Variants in BTRC observed in about 807,000 individuals in gnomAD.
BTRC encodes F-box/WD repeat-containing protein 1A.
A neutral mutation model predicts 85.5 loss-of-function variants in BTRC; 42 were observed. The observed-to-expected ratio is 0.49, with a 90% CI of 0.38 to 0.64. The LOEUF is 0.64. Among genes scored for constraint, BTRC ranks in the 30% least tolerant of loss-of-function variants. BTRC has a pLI of 0.00. For synonymous variants in BTRC, 255 were observed against 263.3 expected, an observed-to-expected ratio of 0.97 and a Z score of 0.30; for missense variants, 594 against 743.5, an observed-to-expected ratio of 0.80 and a Z score of 2.34.
chr10:101,455,171 C>T (rs1165822960), intron 2 of BTRC, among the ~76,000 whole-genome samples: 5 of 151,682 alleles, frequency 3.3e-5, no homozygotes, highest in African/African-American at 9.7e-5. Context: ...CCGCCTTAGC[C>T]TCCTGAGTAG....
intron 5 of BTRC, among the ~76,000 whole-genome samples, chr10:101,522,409 CTTTTT>C (rs1176651688): frequency 3.0e-3 from 90 of 29,536 alleles, no homozygotes; most frequent in African/African-American, 6.7e-3. Context: ...ATAAAGACTC[CTTTTT>C]TTTTTTTTTT....
intron 1 of BTRC, among the ~76,000 whole-genome samples, chr10:101,389,117 G>GTT (rs1169198314): frequency 4.5e-4 from 24 of 53,044 alleles, no homozygotes; most frequent in East Asian, 1.1e-3. Context: ...TTTTTTGTGT[G>GTT]TGTTTTTTTT....
At chr10:101,442,477 T>C (rs1944713900) in intron 2 of BTRC, among the ~76,000 whole-genome samples, 2 of 152,094 alleles carry the variant, frequency 1.3e-5, no homozygotes, top group Admixed American at 1.3e-4. Context: ...CCAGTTTAGT[T>C]CAGAAGGTCC....
intron 4 of BTRC, among the ~76,000 whole-genome samples, chr10:101,515,719 G>T (rs2062014778): frequency 6.6e-6 from 1 of 152,066 alleles, no homozygotes; most frequent in Non-Finnish European, 1.5e-5. Flanking sequence ...CACCTTGTTA[G>T]CCAGGATGGT....
chr10:101,393,789 C>T (rs7910015), intron 1 of BTRC, among the ~76,000 whole-genome samples: 105,917 of 152,054 alleles, frequency 0.7, 37,366 homozygotes, highest in East Asian at 0.81. Flanking sequence ...CTGGCATGTG[C>T]ACACCCTGCT....
intron 1 of BTRC, among the ~76,000 whole-genome samples, chr10:101,400,943 C>A (rs544995673): frequency 6.6e-6 from 1 of 152,286 alleles, no homozygotes; most frequent in South Asian, 2.1e-4. Context: ...GCTGAATCTT[C>A]CCACCGAACA....
chr10:101,414,825 T>C (rs1943884424), intron 1 of BTRC: 1 of 158,692 alleles, frequency 6.3e-6, no homozygotes, highest in South Asian at 2.0e-4. Flanking sequence ...CTTATAAAGA[T>C]GTAAGGAAAA....
rs538445123 is a variant in BTRC at position 101,542,712 on chromosome 10, C to T, written c.1656+4341C>T. ...TGAGCCTCCTGAGTAGCTGGGACCA[C>T]AGGCGTGCGCCACCACGTCCAGCTA... On this transcript the variant is annotated intron_variant, in intron 13 of 14. Coordinates refer to ENST00000370187, the MANE Select transcript of BTRC (RefSeq NM_033637.4). Among the ~76,000 whole-genome samples, 4 of 152,308 alleles carry T rather than the reference C, an allele frequency of 2.6e-5. No homozygotes were observed. The East Asian group carries it at 7.7e-4, about 29-fold the overall frequency.
chr10:101,425,681 ACGC>A (rs1308668511), intron 1 of BTRC, among the ~76,000 whole-genome samples: 3 of 150,288 alleles, frequency 2.0e-5, no homozygotes, highest in African/African-American at 7.4e-5. Context: ...GTGGTGGTGC[ACGC>A]CTGTAGTCCC....
In BTRC at chr10:101,409,503, AT is replaced by A. The variant is rs557209688; in HGVS notation, c.49-20840del. ...AAATGTGCCATTAGGTGAGTTCAAC[AT>A]TGTGTGAACGTCATCTAGTGTACTT... On this transcript the variant is annotated intron_variant, in intron 1 of 14. Coordinates refer to ENST00000370187, the MANE Select transcript of BTRC (RefSeq NM_033637.4). Among the ~76,000 whole-genome samples the A allele has an allele frequency of 3.2e-4, 49 of 152,316 alleles. No homozygotes were observed. The East Asian group carries it at 8.5e-3, about 26-fold the overall frequency.
At chr10:101,453,992 G>A (rs1304961743) in intron 2 of BTRC, among the ~76,000 whole-genome samples, 1 of 152,188 alleles carries the variant, frequency 6.6e-6, no homozygotes, top group African/African-American at 2.4e-5. Flanking sequence ...AACTTTATTT[G>A]CAAAAATATG....
intron 10 of BTRC, 105 bp from the exon 11 acceptor site, chr10:101,535,249 C>T (rs1424055141): frequency 1.1e-6 from 1 of 870,332 alleles, no homozygotes; most frequent in Non-Finnish European, 1.8e-6. Context: ...GAAGACTTCC[C>T]TCTAATGGTT....
rs574574175 is a variant in BTRC, at chr10:101,394,788, A to G, written c.49-35557A>G. On this transcript the variant is annotated intron_variant, in intron 1 of 14. Coordinates refer to ENST00000370187, the MANE Select transcript of BTRC (RefSeq NM_033637.4). ...TGGCTAGACTTGTCAGATTAGGGCA[A>G]GAATAGCAATTTGACCAGTGAGTTC... Among the ~76,000 whole-genome samples the G allele has an allele frequency of 2.0e-5, 3 of 152,306 alleles. No individual in the cohort carries two copies. In the East Asian group the frequency reaches 5.8e-4, roughly 29 times the overall value.
intron 13 of BTRC, among the ~76,000 whole-genome samples, chr10:101,540,275 A>T (rs2062446412): frequency 6.6e-6 from 1 of 152,162 alleles, no homozygotes; most frequent in South Asian, 2.1e-4. Context: ...TTGGTCTATG[A>T]TCCATTTTGA....
At chr10:101,510,323 A>G (rs2134326906) in intron 4 of BTRC, among the ~76,000 whole-genome samples, 1 of 152,112 alleles carries the variant, frequency 6.6e-6, no homozygotes, top group South Asian at 2.1e-4. Context: ...CCTGGCTAAC[A>G]TGGTGAAACC....
At chr10:101,539,489 G>A (rs1402589771) in intron 13 of BTRC, among the ~76,000 whole-genome samples, 3 of 152,194 alleles carry the variant, frequency 2.0e-5, no homozygotes, top group African/African-American at 7.2e-5. Flanking sequence ...CCAGGCTATA[G>A]TGAAGTGGCA....
At chr10:101,380,080 C>T (rs1455628140) in intron 1 of BTRC, among the ~76,000 whole-genome samples, 3 of 152,094 alleles carry the variant, frequency 2.0e-5, no homozygotes, top group South Asian at 2.1e-4. Context: ...CTTTGAAATA[C>T]CTTGTAATTA....
intron 1 of BTRC, among the ~76,000 whole-genome samples, chr10:101,377,838 C>T (rs1942828672): frequency 6.6e-6 from 1 of 151,348 alleles, no homozygotes; most frequent in Non-Finnish European, 1.5e-5. Context: ...TTAAGTAAGC[C>T]ATGTGACAGT....
chr10:101,356,510 A>G (rs920266892), intron 1 of BTRC, among the ~76,000 whole-genome samples: 9 of 152,182 alleles, frequency 5.9e-5, no homozygotes, highest in African/African-American at 2.2e-4. Flanking sequence ...GGACTTGGAG[A>G]TGACCATATA....
Sources: allele counts gnomAD v4.1 joint callset (sites outside exome capture counted in the v4.1 genomes callset), GRCh38; gene constraint gnomAD v4.1.1; transcripts MANE v1.5; gene names NCBI Gene and HGNC (gene_info 2026-07-23, HGNC 2026-07-21).